The following RMDN2 variants were observed in gnomAD, a reference collection of about 807,000 sequenced individuals.
RMDN2 encodes regulator of microtubule dynamics protein 2.
In RMDN2, 61 loss-of-function variants were observed where a neutral mutation model predicts 52.8. The ratio of observed to expected loss-of-function variants is 1.16; its 90% CI spans 0.94 to 1.43. The LOEUF is 1.43. RMDN2 is among the 40% of genes most tolerant of loss of function. The pLI is 0.00. For synonymous variants in RMDN2, 180 were observed against 153.1 expected, an observed-to-expected ratio of 1.18 and a Z score of -1.30; for missense variants, 592 against 475.3, an observed-to-expected ratio of 1.25 and a Z score of -2.28.
intron 2 of RMDN2, among the ~76,000 whole-genome samples, chr2:37,935,576 C>T (rs1667217859): frequency 6.6e-6 from 1 of 152,212 alleles, no homozygotes; most frequent in African/African-American, 2.4e-5. Context: ...AGTACCCTCT[C>T]TACTCCTTTC....
In RMDN2 at chr2:37,960,689, A is replaced by G. The variant is rs75707905; in HGVS notation, c.453-13351A>G. Among the ~76,000 whole-genome samples the G allele has an allele frequency of 1.0e-3, 157 of 152,316 alleles. 2 individuals carry two copies. The East Asian group carries it at 0.026, about 25-fold the overall frequency. On this transcript the variant is annotated intron_variant, in intron 2 of 10. Transcript: ENST00000354545. The stretch of plus-strand genomic sequence containing the variant: ...TAGTTGGGGCACTTAGCCCACTTAC[A>G]TTTAAGGTTAATATTGTTATATGTG...
intron 8 of RMDN2, among the ~76,000 whole-genome samples, chr2:38,003,597 T>TAGATAGATAGATAGAC (rs1676644396): frequency 7.8e-6 from 1 of 128,742 alleles, no homozygotes; most frequent in South Asian, 2.4e-4. Flanking sequence ...GATAGATAGA[T>TAGATAGATAGATAGAC]AGATAGGCAG....
intron 10 of RMDN2, chr2:38,036,854 T>C (rs1419516963): frequency 6.6e-6 from 1 of 152,238 alleles, no homozygotes; most frequent in Non-Finnish European, 1.5e-5. Flanking sequence ...TAAAATCTGA[T>C]GGGAAAGTAA....
At chr2:37,947,896 C>G (rs1308228409) in intron 2 of RMDN2, among the ~76,000 whole-genome samples, 2 of 152,180 alleles carry the variant, frequency 1.3e-5, no homozygotes, top group African/African-American at 4.8e-5. Context: ...CCCCCTACTT[C>G]TCCCCGTGTG....
intron 5 of RMDN2, among the ~76,000 whole-genome samples, chr2:37,982,457 G>T (rs1376032314): frequency 6.6e-6 from 1 of 152,188 alleles, no homozygotes; most frequent in East Asian, 1.9e-4. Flanking sequence ...TCTGTCATGA[G>T]AGAGTGGAAG....
intron 4 of RMDN2, among the ~76,000 whole-genome samples, chr2:37,977,630 C>T (rs933493579): frequency 5.3e-5 from 8 of 152,070 alleles, no homozygotes; most frequent in Non-Finnish European, 7.4e-5. Flanking sequence ...GAGACCTCCT[C>T]ACCTCCCAGA....
At chr2:37,999,718 C>G (rs1384916412) in intron 8 of RMDN2, among the ~76,000 whole-genome samples, 1 of 152,112 alleles carries the variant, frequency 6.6e-6, no homozygotes, top group Non-Finnish European at 1.5e-5. Context: ...TCCTACAACA[C>G]AGGAGGCCGT....
intron 10 of RMDN2, among the ~76,000 whole-genome samples, chr2:38,041,220 C>A (rs894859507): frequency 1.3e-5 from 2 of 152,140 alleles, no homozygotes; most frequent in Non-Finnish European, 2.9e-5. Context: ...ACTAAGGCAC[C>A]CAGCAGTGTC....
At chr2:38,005,087 C>G (rs908159481) in intron 10 of RMDN2, among the ~76,000 whole-genome samples, 2 of 152,198 alleles carry the variant, frequency 1.3e-5, no homozygotes, top group Admixed American at 1.3e-4. Context: ...TTTTCTTAAT[C>G]CAGTCTATCA....
At chr2:37,971,299 T>G (rs960172442) in intron 2 of RMDN2, among the ~76,000 whole-genome samples, 4 of 152,166 alleles carry the variant, frequency 2.6e-5, no homozygotes, top group Non-Finnish European at 5.9e-5. Context: ...TGCATTTGCT[T>G]ATCCATTTGT....
chr2:38,026,536 T>C (rs1398985901), intron 10 of RMDN2, among the ~76,000 whole-genome samples: 1 of 152,180 alleles, frequency 6.6e-6, no homozygotes, highest in African/African-American at 2.4e-5. Flanking sequence ...TTGGGTTTTA[T>C]TTACGCTTCT....
At chr2:37,941,218 G>A (rs1281213039) in intron 2 of RMDN2, among the ~76,000 whole-genome samples, 5 of 152,204 alleles carry the variant, frequency 3.3e-5, no homozygotes, top group African/African-American at 7.2e-5. Flanking sequence ...GGTATCACCA[G>A]TGAAGGCTGC....
intron 2 of RMDN2, among the ~76,000 whole-genome samples, chr2:37,945,147 A>T (rs1297467827): frequency 6.6e-6 from 1 of 152,228 alleles, no homozygotes; most frequent in Non-Finnish European, 1.5e-5. Flanking sequence ...AGTAAGTACT[A>T]GCTTGAAAAG....
rs528074372 is a variant in RMDN2 at position 37,955,817 on chromosome 2, C to A, written c.453-18223C>A. 5.3e-5 allele frequency among the ~76,000 whole-genome samples: 8 copies of A among 152,210 alleles called. No individual in the cohort carries two copies. In the South Asian group the frequency reaches 1.5e-3, roughly 28 times the overall value. On this transcript the variant is annotated intron_variant, in intron 2 of 10. Transcript: ENST00000354545. Reference sequence around the variant, plus strand: ...TTCCCAGTCTCGGGTATGTCTTTGTCAGCAGCATAAAAACAGACTAATACA... The same window carrying A: ...TTCCCAGTCTCGGGTATGTCTTTGTAAGCAGCATAAAAACAGACTAATACA...
rs1015105307 is a variant in RMDN2 at position 38,017,684 on chromosome 2, T to A, written c.*445T>A. On this transcript the variant is annotated 3_prime_UTR_variant, in exon 11 of 11. Coordinates refer to ENST00000354545, the MANE Select transcript of RMDN2 (RefSeq NM_001170791.3). ...AGAGGAAAAACAAACAAATGTAGTA[T>A]TGTAACTGGTAATCAAAAGATGTGA... 1.4e-5 allele frequency: 7 copies of A among 514,330 alleles called. No homozygotes were observed. Among genetic ancestry groups the A allele is most frequent in the Non-Finnish European group, 2.2e-5 (7 of 312,022 alleles). 31.9% of individuals were successfully genotyped at this position (514,330 alleles called of 1,614,324 possible). A position where few individuals can be genotyped will look rare whatever the true frequency, so the allele number is the denominator to read the frequency against.
intron 3 of RMDN2, 142 bp downstream of exon 3, chr2:37,974,356 ATTTT>A (rs1253402077): frequency 2.1e-6 from 1 of 480,184 alleles, no homozygotes; most frequent in Non-Finnish European, 3.4e-6. Flanking sequence ...AATGACTAAA[ATTTT>A]TTAAAATTTA....
At chr2:38,045,590 T>TA (rs75898609) in intron 10 of RMDN2, among the ~76,000 whole-genome samples, 34,171 of 151,982 alleles carry the variant, frequency 0.22, 4,764 homozygotes, top group East Asian at 0.69. Context: ...GATAAAATTG[T>TA]AAAAAAGCCA....
intron 10 of RMDN2, among the ~76,000 whole-genome samples, chr2:38,066,433 A>T (rs1682284206): frequency 6.6e-6 from 1 of 152,218 alleles, no homozygotes; most frequent in Non-Finnish European, 1.5e-5. Context: ...ATTTGAATAT[A>T]TTTAATTTTT....
intron 2 of RMDN2, among the ~76,000 whole-genome samples, chr2:37,942,338 C>T (rs1013728608): frequency 2.0e-5 from 3 of 151,940 alleles, no homozygotes; most frequent in Admixed American, 1.3e-4. Context: ...GGAGCTGTTT[C>T]TATTCGACCA....
Sources: gnomAD v4.1 joint callset for allele counts (sites outside exome capture counted in the v4.1 genomes callset) on GRCh38, gnomAD v4.1.1 for gene constraint, MANE v1.5 for transcripts, NCBI Gene and HGNC (gene_info 2026-07-23, HGNC 2026-07-21) for gene names.